The following FRMD3 variants were observed in gnomAD, a reference collection of about 807,000 sequenced individuals.
FRMD3 encodes FERM domain containing 3.
Under a neutral mutation model 70.2 loss-of-function variants are expected in FRMD3, and 33 were observed. The ratio of observed to expected loss-of-function variants is 0.47; its 90% confidence interval spans 0.36 to 0.63. The LOEUF (loss-of-function observed/expected upper bound fraction) is 0.63, where lower values mean the gene tolerates loss of function less well. FRMD3 is among the 20% of genes least tolerant of loss of function. The pLI is 0.00. For synonymous variants in FRMD3, 279 were observed against 255.9 expected, an observed-to-expected ratio of 1.09 and a Z score of -0.86; for missense variants, 632 against 711.4, an observed-to-expected ratio of 0.89 and a Z score of 1.27.
chr9:83,549,668 T>C, the FRMD3 span, among the ~76,000 whole-genome samples: 1 of 152,228 alleles, frequency 6.6e-6, no homozygotes, highest in African/African-American at 2.4e-5. Flanking sequence ...GCTATCTCAT[T>C]GTGCTTTTGA....
At position 83,537,226 on chromosome 9, in the gene FRMD3, C is replaced by T. The variant is rs947707075; in HGVS notation, c.147+859G>A. ...CCTCACACTAGCTCTCCTGACAGCC[C>T]AGAGGCACTTACTACCCGAGGACAG... On this transcript the variant is annotated intron_variant, in intron 1 of 13. Coordinates refer to ENST00000304195, the MANE Select transcript of FRMD3 (RefSeq NM_174938.6). This position sits in a 1 kb window ranked among gnomAD's most constrained non-coding sequence, Gnocchi z 4.1. 1.3e-5 allele frequency among the ~76,000 whole-genome samples: 2 copies of T among 152,128 alleles called. No homozygotes were observed. The highest frequency in any genetic ancestry group is 4.8e-5 in the African/African-American group (2 of 41,430).
In FRMD3 at chr9:83,476,256, C is replaced by T. The variant is rs922364414; in HGVS notation, c.147+61829G>A. Among the ~76,000 whole-genome samples, 20 of 151,950 alleles carry T rather than the reference C, an allele frequency of 1.3e-4. 1 individual carries two copies. The highest frequency in any genetic ancestry group is 4.8e-4 in the African/African-American group (20 of 41,356). ...AAAATTAGCCGAGCATGGTGGTGCACACCTGTAATCCCAGCTAATCAGGAG... is the reference window on the plus strand; with the variant it reads ...AAAATTAGCCGAGCATGGTGGTGCATACCTGTAATCCCAGCTAATCAGGAG... On this transcript the variant is annotated intron_variant, in intron 1 of 13. Transcript: ENST00000304195.
intron 1 of FRMD3, among the ~76,000 whole-genome samples, chr9:83,414,016 C>T (rs1826353290): frequency 2.0e-5 from 3 of 152,120 alleles, no homozygotes; most frequent in African/African-American, 7.2e-5. Context: ...GCTTCAGCTT[C>T]CAGAAAGCTT....
chr9:83,342,965 T>C (rs1564025209), intron 5 of FRMD3, among the ~76,000 whole-genome samples: 1 of 152,166 alleles, frequency 6.6e-6, no homozygotes, highest in East Asian at 1.9e-4. Flanking sequence ...TGAGCAACTC[T>C]GTTTTTGCAG....
intron 13 of FRMD3, among the ~76,000 whole-genome samples, chr9:83,273,771 C>A (rs1033468979): frequency 6.6e-6 from 1 of 152,088 alleles, no homozygotes; most frequent in Non-Finnish European, 1.5e-5. Flanking sequence ...TTTAAATGCA[C>A]TTTAAAATAA....
the FRMD3 span, among the ~76,000 whole-genome samples, chr9:83,563,811 T>A: frequency 1.1e-4 from 17 of 152,238 alleles, no homozygotes; most frequent in Admixed American, 2.6e-4. Context: ...CAAAACATTA[T>A]CCTACCACAA....
At chr9:83,570,162 C>T in the FRMD3 span, among the ~76,000 whole-genome samples, 1 of 152,190 alleles carries the variant, frequency 6.6e-6, no homozygotes, top group Admixed American at 6.5e-5. Flanking sequence ...GTATGTCAGG[C>T]ACTCCTCTAG....
At chr9:83,257,521 G>A (rs1832769871) in intron 13 of FRMD3, among the ~76,000 whole-genome samples, 1 of 151,810 alleles carries the variant, frequency 6.6e-6, no homozygotes, top group Non-Finnish European at 1.5e-5. Flanking sequence ...TAAAAGTTGA[G>A]GGGGAAAAAA....
At chr9:83,424,012 G>A (rs1183152912) in intron 1 of FRMD3, among the ~76,000 whole-genome samples, 1 of 152,160 alleles carries the variant, frequency 6.6e-6, no homozygotes, top group East Asian at 1.9e-4. Context: ...TGCCAGTCAA[G>A]AGTAAATCTT....
intron 2 of FRMD3, among the ~76,000 whole-genome samples, chr9:83,379,629 T>C (rs1281396304): frequency 6.6e-6 from 1 of 152,152 alleles, no homozygotes; most frequent in African/African-American, 2.4e-5. Context: ...TAGTATGATT[T>C]GAAGGTACCA....
intron 1 of FRMD3, among the ~76,000 whole-genome samples, chr9:83,403,281 C>T (rs903382594): frequency 3.9e-5 from 6 of 152,110 alleles, no homozygotes; most frequent in Non-Finnish European, 8.8e-5. Context: ...TCTCCACATC[C>T]CTAACTTCCC....
rs565671001 is a variant in FRMD3 at position 83,248,582 on chromosome 9, G to C, written c.1196-66C>G. On this transcript the variant is annotated intron_variant, in intron 13 of 13. Coordinates refer to ENST00000304195, the MANE Select transcript of FRMD3 (RefSeq NM_174938.6). ...ATTTTCCCACAAAAATCTGCAGGAA[G>C]AAACAGAAAAACAAAAAACTAATGG... The C allele has an allele frequency of 2.5e-4, 379 of 1,487,994 alleles. 7 individuals carry two copies. The South Asian group carries it at 4.1e-3, about 16-fold the overall frequency. The allele number at this position is 1,487,994 out of a possible 1,614,324, so 92.2% of individuals were successfully genotyped here.
intron 1 of FRMD3, among the ~76,000 whole-genome samples, chr9:83,529,186 A>G (rs1364612925): frequency 6.6e-6 from 1 of 152,218 alleles, no homozygotes; most frequent in East Asian, 1.9e-4. Context: ...GGAAAAGGTA[A>G]ACAACACCTC....
At chr9:83,306,167 G>A (rs188175770) in intron 10 of FRMD3, among the ~76,000 whole-genome samples, 19 of 152,170 alleles carry the variant, frequency 1.2e-4, no homozygotes, top group Admixed American at 2.0e-4. Context: ...TCTTTGATAC[G>A]GACCCAGTGA....
intron 8 of FRMD3, 62 bp from the exon 9 acceptor site, chr9:83,310,610 TTTCCCA>T: frequency 3.8e-6 from 5 of 1,314,660 alleles, no homozygotes; most frequent in Non-Finnish European, 5.3e-6. Context: ...GGTACCTGGG[TTTCCCA>T]TAGGAATCTG....
chr9:83,340,862 C>A (rs2131156162), intron 5 of FRMD3, among the ~76,000 whole-genome samples: 1 of 152,296 alleles, frequency 6.6e-6, no homozygotes, highest in East Asian at 1.9e-4. Flanking sequence ...TCCCAAGTAG[C>A]TGGAATTACA....
chr9:83,555,022 C>A, the FRMD3 span, among the ~76,000 whole-genome samples: 1 of 152,310 alleles, frequency 6.6e-6, no homozygotes, highest in Non-Finnish European at 1.5e-5. Context: ...AGGTACAAAC[C>A]TTTTGCTGGC....
chr9:83,341,583 C>A (rs1256153898), intron 5 of FRMD3, among the ~76,000 whole-genome samples: 1 of 152,078 alleles, frequency 6.6e-6, no homozygotes, highest in Non-Finnish European at 1.5e-5. Flanking sequence ...AGGAAGGGAA[C>A]TATGGGATTT....
intron 1 of FRMD3, among the ~76,000 whole-genome samples, chr9:83,507,268 G>A (rs535768705): frequency 6.6e-6 from 1 of 150,996 alleles, no homozygotes; most frequent in East Asian, 2.0e-4. Flanking sequence ...TCAGGAGGCT[G>A]AGACAGGACA....
Sources: gnomAD v4.1 joint callset for allele counts (sites outside exome capture counted in the v4.1 genomes callset) on GRCh38, gnomAD v4.1.1 for gene constraint, Gnocchi (gnomAD v3.1) non-coding constraint, MANE v1.5 for transcripts, NCBI Gene and HGNC (gene_info 2026-07-23, HGNC 2026-07-21) for gene names.